RBFOX3: variants seen among roughly 807,000 people sequenced by gnomAD.
RBFOX3 encodes RNA binding fox-1 homolog 3, also known as RNA binding protein fox-1 homolog 3.
A neutral mutation model predicts 48.7 loss-of-function variants in RBFOX3; 17 were observed. That is an observed-to-expected ratio of 0.35 (90% CI 0.24 to 0.52). The LOEUF (loss-of-function observed/expected upper bound fraction) is 0.52. RBFOX3 is among the 20% of genes least tolerant of loss of function. The pLI is 0.94. For missense variants in RBFOX3, 382 were observed against 497.5 expected (o/e 0.77, Z 2.21); for synonymous variants, 212 against 209.5 (o/e 1.01, Z -0.10).
intron 1 of RBFOX3, among the ~76,000 whole-genome samples, chr17:79,529,928 C>T (rs2150070585): frequency 6.6e-6 from 1 of 152,372 alleles, no homozygotes; most frequent in African/African-American, 2.4e-5. Flanking sequence ...TGGCTGCCTT[C>T]CTGCTGCATG....
intron 13 of RBFOX3, 32 bp downstream of exon 13, chr17:79,095,481 T>C (rs761765032): frequency 2.0e-6 from 3 of 1,538,178 alleles, no homozygotes; most frequent in East Asian, 2.5e-5. Context: ...CTCCCCACCC[T>C]GCTCCAGAAC....
At chr17:79,296,303 CACCA>C (rs201657534) in intron 3 of RBFOX3, among the ~76,000 whole-genome samples, 12,114 of 144,034 alleles carry the variant, frequency 0.084, 546 homozygotes, top group East Asian at 0.19. Flanking sequence ...CACACACACA[CACCA>C]CACACACACA....
At chr17:79,431,093 G>A (rs2068353173) in intron 2 of RBFOX3, among the ~76,000 whole-genome samples, 2 of 152,256 alleles carry the variant, frequency 1.3e-5, no homozygotes, top group East Asian at 3.9e-4. Context: ...AAAAACATGA[G>A]GTCAAGCCCG....
intron 4 of RBFOX3, among the ~76,000 whole-genome samples, chr17:79,159,618 C>T (rs2046535412): frequency 1.3e-5 from 2 of 152,352 alleles, no homozygotes; most frequent in South Asian, 4.1e-4. Context: ...CACTCACACA[C>T]TCAGAGTTCA....
chr17:79,272,899 C>G (rs929771799), intron 3 of RBFOX3, among the ~76,000 whole-genome samples: 1 of 125,726 alleles, frequency 8.0e-6, no homozygotes, highest in Non-Finnish European at 1.7e-5. Context: ...TGTCTGCTTG[C>G]CCCGTGTCCC....
chr17:79,277,561 G>A (rs1239712043), intron 3 of RBFOX3, among the ~76,000 whole-genome samples: 3 of 152,226 alleles, frequency 2.0e-5, no homozygotes, highest in Middle Eastern at 3.2e-3. Context: ...AGCCGACGCG[G>A]TATGTTTGCC....
rs376253471 is a variant in RBFOX3, at chr17:79,481,852, C to T, written c.-175+602G>A. On this transcript the variant is annotated intron_variant, in intron 2 of 14. Transcript: ENST00000693108. The surrounding 1 kb of genome is among the most constrained non-coding windows in gnomAD (Gnocchi z 5.4). ...GGGTCCTGGGAACCTCTGAATTTGC[C>T]ACTGGTCACAAGTGCAGGTGACCCT... Among the ~76,000 whole-genome samples the T allele has an allele frequency of 7.4e-4, 113 of 152,274 alleles. No individual in the cohort carries two copies. Among genetic ancestry groups the T allele is most frequent in the African/African-American group, 2.7e-3 (112 of 41,542 alleles).
chr17:79,210,676 C>A (rs1308101263), intron 4 of RBFOX3, among the ~76,000 whole-genome samples: 1 of 152,216 alleles, frequency 6.6e-6, no homozygotes, highest in Non-Finnish European at 1.5e-5. Context: ...TGCCAGTTGC[C>A]CTTCAAGAGA....
chr17:79,120,255 T>C (rs1198748500), intron 4 of RBFOX3, among the ~76,000 whole-genome samples: 1 of 152,190 alleles, frequency 6.6e-6, no homozygotes, highest in Non-Finnish European at 1.5e-5. Context: ...CACCCTGTTC[T>C]ACTCAGAAGA....
chr17:79,458,915 GC>G (rs1427106862), intron 2 of RBFOX3, among the ~76,000 whole-genome samples: 2 of 152,192 alleles, frequency 1.3e-5, no homozygotes, highest in African/African-American at 4.8e-5. Flanking sequence ...GTCCCTCCAA[GC>G]AGCATGGCTG....
At chr17:79,397,049 G>A (rs1345255473) in intron 2 of RBFOX3, among the ~76,000 whole-genome samples, 1 of 152,220 alleles carries the variant, frequency 6.6e-6, no homozygotes, top group African/African-American at 2.4e-5. Context: ...CTCAAGGGGT[G>A]GATTTGGGAA....
At chr17:79,516,558 T>G (rs2085276575) in intron 1 of RBFOX3, among the ~76,000 whole-genome samples, 1 of 152,138 alleles carries the variant, frequency 6.6e-6, no homozygotes, top group African/African-American at 2.4e-5. Flanking sequence ...GAGGTCAGAG[T>G]TCATCCCCAG....
intron 3 of RBFOX3, among the ~76,000 whole-genome samples, chr17:79,307,112 AG>A (rs1360645713): frequency 6.6e-6 from 1 of 152,262 alleles, no homozygotes; most frequent in Non-Finnish European, 1.5e-5. Context: ...AGTATAATAA[AG>A]GTTTCCGACT....
In RBFOX3 at chr17:79,302,446, G is replaced by A. The variant is rs188288504; in HGVS notation, c.-74+5278C>T. On this transcript the variant is annotated intron_variant, in intron 3 of 14. Coordinates refer to ENST00000693108, the MANE Select transcript of RBFOX3 (RefSeq NM_001350451.2). Reference sequence around the variant, plus strand: ...TGTAATCTCAGCACTTTGGGAGGCCGAGGCGGGTGGATCACCTGAGGTCAG... The same window carrying A: ...TGTAATCTCAGCACTTTGGGAGGCCAAGGCGGGTGGATCACCTGAGGTCAG... Among the ~76,000 whole-genome samples the A allele has an allele frequency of 1.5e-3, 233 of 152,270 alleles. 1 individual carries two copies. Among genetic ancestry groups the A allele is most frequent in the African/African-American group, 4.8e-3 (199 of 41,558 alleles).
the RBFOX3 span, among the ~76,000 whole-genome samples, chr17:79,636,046 T>G: frequency 2.0e-5 from 3 of 152,112 alleles, no homozygotes; most frequent in African/African-American, 7.2e-5. Flanking sequence ...GATCTGAAAA[T>G]TCCATTTCCA....
chr17:79,381,713 C>T (rs1350272883), intron 2 of RBFOX3, among the ~76,000 whole-genome samples: 3 of 152,204 alleles, frequency 2.0e-5, no homozygotes, highest in Admixed American at 6.5e-5. Flanking sequence ...CTAGGGGAAT[C>T]ACCCCTCTTT....
intron 4 of RBFOX3, among the ~76,000 whole-genome samples, chr17:79,179,306 G>C (rs890910422): frequency 5.3e-5 from 8 of 152,204 alleles, no homozygotes; most frequent in African/African-American, 1.9e-4. Flanking sequence ...AACGTGCTCT[G>C]CCATCAACAA....
intron 4 of RBFOX3, among the ~76,000 whole-genome samples, chr17:79,190,435 A>AAAAAC: frequency 1.3e-5 from 2 of 149,624 alleles, no homozygotes; most frequent in Non-Finnish European, 1.5e-5. Context: ...AAAAAAACAA[A>AAAAAC]AAAACAGAGT....
Position 79,442,360 on chromosome 17 carries a change from GGGGAGAGA to G in RBFOX3, c.-175+40086_-175+40093del, listed in dbSNP as rs1423758155. Among the ~76,000 whole-genome samples, 9 of 31,394 alleles carry G rather than the reference GGGGAGAGA, an allele frequency of 2.9e-4. 2 individuals carry two copies. Among genetic ancestry groups the G allele is most frequent in the African/African-American group, 1.4e-3 (9 of 6,544 alleles). The allele number at this position is 31,394 out of a possible 152,430, so 20.6% of individuals were successfully genotyped here. On this transcript the variant is annotated intron_variant, in intron 2 of 14. Transcript: ENST00000693108. Reference sequence around the variant, plus strand: ...GGGAGGGAGGGAGGGAGGAAGAGGGGGGGAGAGAGAGAGAGAGAGAGAGAGAGAGAGAG... The same window carrying G: ...GGGAGGGAGGGAGGGAGGAAGAGGGGGAGAGAGAGAGAGAGAGAGAGAGAG...
Sources: gnomAD v4.1 joint callset for allele counts (sites outside exome capture counted in the v4.1 genomes callset) on GRCh38, gnomAD v4.1.1 for gene constraint, Gnocchi (gnomAD v3.1) non-coding constraint, MANE v1.5 for transcripts, NCBI Gene and HGNC (gene_info 2026-07-23, HGNC 2026-07-21) for gene names.